Variants in ATP13A4 observed in about 807,000 individuals in gnomAD.
The protein encoded by ATP13A4 is probable cation-transporting ATPase 13A4.
Under a neutral mutation model 142.5 loss-of-function variants are expected in ATP13A4, and 114 were observed. That is an observed-to-expected ratio of 0.80 (90% CI 0.69 to 0.93). ATP13A4 has a LOEUF of 0.93. ATP13A4 is among the 40% of genes least tolerant of loss of function. ATP13A4 has a pLI of 0.00. For synonymous variants in ATP13A4, 488 were observed against 514.8 expected, an observed-to-expected ratio of 0.95 and a Z score of 0.70; for missense variants, 1,392 against 1,454.0, an observed-to-expected ratio of 0.96 and a Z score of 0.69.
chr3:193,554,041 T>C (rs979433216), intron 1 of ATP13A4, among the ~76,000 whole-genome samples: 3 of 152,234 alleles, frequency 2.0e-5, no homozygotes, highest in African/African-American at 7.2e-5. Context: ...TTGATTATAT[T>C]GTAATTGAGA....
chr3:193,575,957 G>A (rs1383014070), intron 2 of ATP13A4, among the ~76,000 whole-genome samples: 1 of 152,136 alleles, frequency 6.6e-6, no homozygotes, highest in Non-Finnish European at 1.5e-5. Context: ...TGATTGTCTT[G>A]ACTGGGACGG....
In ATP13A4 at chr3:193,440,594, T is replaced by C. The variant is rs754698807; in HGVS notation, c.2483A>G (p.Gln828Arg). 1.9e-6 allele frequency: 3 copies of C among 1,614,138 alleles called. No individual in the cohort carries two copies. The highest frequency in any genetic ancestry group is 2.5e-6 in the Non-Finnish European group (3 of 1,179,958). The change falls in exon 21 of 30, where the codon CAG (glutamine) becomes CGG (arginine). Residue 828 changes from glutamine (Q) to arginine (R), a missense_variant. Transcript: ENST00000342695. ...GTIFARMSPGQKSSLVEEFQK... is the reference protein window; with the variant it reads ...GTIFARMSPGRKSSLVEEFQK... ...AAATTCTTCCACCAGACTGGACTTC[T>C]GCCCAGGAGACATTCTTGCAAAGAT...
intron 6 of ATP13A4, among the ~76,000 whole-genome samples, chr3:193,491,008 TA>T (rs543134675): frequency 4.8e-4 from 73 of 151,982 alleles, no homozygotes; most frequent in African/African-American, 1.5e-3. Flanking sequence ...AGGATTAGCT[TA>T]AAAAAAATTG....
chr3:193,536,653 G>A (rs1166009209), intron 1 of ATP13A4, among the ~76,000 whole-genome samples: 1 of 151,720 alleles, frequency 6.6e-6, no homozygotes, highest in Non-Finnish European at 1.5e-5. Flanking sequence ...ATAAGAAAAG[G>A]AAATAAAAGG....
Position 193,489,655 on chromosome 3 carries a change from C to T in ATP13A4, c.738+75G>A, listed in dbSNP as rs182440092. 3.1e-5 allele frequency: 47 copies of T among 1,493,874 alleles called. No homozygotes were observed. The Middle Eastern group carries it at 6.7e-4, about 21-fold the overall frequency. The allele number at this position is 1,493,874 out of a possible 1,614,324, so 92.5% of individuals were successfully genotyped here. A position where few individuals can be genotyped will look rare whatever the true frequency, so the allele number is the denominator to read the frequency against. ...AGTAGGAAGTGACTATTTCCTGATT[C>T]TCCTTTCTAACAAATTTTTAATAAA... On this transcript the variant is annotated intron_variant, in intron 7 of 29. Coordinates refer to ENST00000342695, the MANE Select transcript of ATP13A4 (RefSeq NM_032279.4).
At chr3:193,517,605 C>G (rs575910217) in intron 1 of ATP13A4, among the ~76,000 whole-genome samples, 114 of 152,252 alleles carry the variant, frequency 7.5e-4, no homozygotes, top group African/African-American at 2.6e-3. Context: ...CTCAGCCTCC[C>G]GAGTAGCTGG....
chr3:193,517,624 G>A (rs1000890978), intron 1 of ATP13A4, among the ~76,000 whole-genome samples: 1 of 152,130 alleles, frequency 6.6e-6, no homozygotes, highest in Non-Finnish European at 1.5e-5. Context: ...GGGACTACAG[G>A]CGCCCGCCAC....
chr3:193,572,182 A>C (rs933416966), intron 2 of ATP13A4, among the ~76,000 whole-genome samples: 5 of 152,178 alleles, frequency 3.3e-5, no homozygotes, highest in African/African-American at 1.2e-4. Context: ...CCAGAGGCAG[A>C]GGTTGCAGTG....
intron 2 of ATP13A4, among the ~76,000 whole-genome samples, chr3:193,563,130 T>C (rs1232007863): frequency 1.3e-5 from 2 of 152,186 alleles, no homozygotes; most frequent in African/African-American, 4.8e-5. Flanking sequence ...TGAACGGTAC[T>C]TGAGAATTTT....
chr3:193,436,340 G>T (rs966458620), intron 23 of ATP13A4, among the ~76,000 whole-genome samples: 1 of 152,062 alleles, frequency 6.6e-6, no homozygotes, highest in African/African-American at 2.4e-5. Flanking sequence ...TGATTGATTT[G>T]AATAAATAGT....
intron 2 of ATP13A4, among the ~76,000 whole-genome samples, chr3:193,567,374 T>C (rs1288987825): frequency 6.6e-6 from 1 of 152,210 alleles, no homozygotes; most frequent in Non-Finnish European, 1.5e-5. Context: ...AAACATGCTT[T>C]AATGTTATAA....
At chr3:193,547,194 T>C (rs1174201568) in intron 1 of ATP13A4, among the ~76,000 whole-genome samples, 2 of 152,256 alleles carry the variant, frequency 1.3e-5, no homozygotes, top group African/African-American at 4.8e-5. Context: ...GACAAGACTA[T>C]ATAGTTTAGT....
chr3:193,447,699 G>C (rs1717034743), intron 18 of ATP13A4, among the ~76,000 whole-genome samples: 1 of 152,114 alleles, frequency 6.6e-6, no homozygotes. Context: ...TTGCTCTCTT[G>C]TTTGTATGAT....
chr3:193,449,502 T>C (rs561330009), intron 17 of ATP13A4, among the ~76,000 whole-genome samples: 1 of 152,332 alleles, frequency 6.6e-6, no homozygotes, highest in Admixed American at 6.5e-5. Flanking sequence ...TTTGAACTAC[T>C]CACCTCAGAG....
chr3:193,547,604 G>A (rs755180890), intron 1 of ATP13A4, among the ~76,000 whole-genome samples: 2 of 152,126 alleles, frequency 1.3e-5, no homozygotes, highest in Non-Finnish European at 2.9e-5. Context: ...TGACTAAATT[G>A]TTCCTTCTTC....
chr3:193,576,249 C>A (rs74451518), intron 2 of ATP13A4, among the ~76,000 whole-genome samples: 5 of 54,398 alleles, frequency 9.2e-5, no homozygotes, highest in Non-Finnish European at 1.3e-4. Flanking sequence ...TTGAATCAAT[C>A]TTTTTTTTTT....
chr3:193,435,544 A>C, intron 24 of ATP13A4, 104 bp downstream of exon 24: 2 of 925,546 alleles, frequency 2.2e-6, no homozygotes, highest in Non-Finnish European at 3.6e-6. Flanking sequence ...GTTGTTGTTC[A>C]GATATCCTAT....
intron 2 of ATP13A4, among the ~76,000 whole-genome samples, chr3:193,573,301 A>ATATATATATGTATATATATATATATTTT (rs1553862275): frequency 1.3e-5 from 1 of 78,984 alleles, no homozygotes; most frequent in African/African-American, 5.3e-5. Flanking sequence ...ACATATATAT[A>ATATATATATGTATATATATATATATTTT]TATATACATA....
At chr3:193,448,445 C>T in intron 17 of ATP13A4, 115 bp from the exon 18 acceptor site, 2 of 1,327,954 alleles carry the variant, frequency 1.5e-6, no homozygotes, top group Non-Finnish European at 1.1e-6. Flanking sequence ...AAGTCATTCT[C>T]CTGCCTCAGC....
Sources: gnomAD v4.1 joint callset for allele counts (sites outside exome capture counted in the v4.1 genomes callset) on GRCh38, gnomAD v4.1.1 for gene constraint, MANE v1.5 for transcripts, NCBI Gene and HGNC (gene_info 2026-07-23, HGNC 2026-07-21) for gene names.